Variants in SRRM3 observed in about 807,000 individuals in gnomAD.
SRRM3 encodes serine/arginine repetitive matrix protein 3.
Under a neutral mutation model 66.2 loss-of-function variants are expected in SRRM3, and 27 were observed. The observed-to-expected ratio is 0.41, with a 90% CI of 0.30 to 0.56. The LOEUF is 0.56. Among genes scored for constraint, SRRM3 ranks in the 20% least tolerant of loss-of-function variants. The pLI is 0.32. For synonymous variants in SRRM3, 391 were observed against 414.9 expected, an observed-to-expected ratio of 0.94 and a Z score of 0.70; for missense variants, 918 against 991.9, an observed-to-expected ratio of 0.93 and a Z score of 1.00.
intron 1 of SRRM3, among the ~76,000 whole-genome samples, chr7:76,232,953 G>C (rs1231489049): frequency 1.3e-5 from 2 of 151,944 alleles, no homozygotes; most frequent in East Asian, 3.9e-4. Flanking sequence ...GGAGGAGCTT[G>C]GGTCCACGTG....
chr7:76,249,396 G>GT (rs1801518561), intron 3 of SRRM3, among the ~76,000 whole-genome samples: 2 of 151,462 alleles, frequency 1.3e-5, no homozygotes, highest in South Asian at 4.2e-4. Flanking sequence ...AAAAAAAAGG[G>GT]TGTATGGCTT....
rs569400202 is a variant in SRRM3, at chr7:76,256,994, G to A, written c.336-2912G>A. ...CAAAGTGCTGGGATTACAGGCGTGA[G>A]CCACCCGCCAGGCCCTTGGCTGGCT... On this transcript the variant is annotated intron_variant, in intron 3 of 14. Transcript: ENST00000611745. Among the ~76,000 whole-genome samples, 10 of 152,290 alleles carry A rather than the reference G, an allele frequency of 6.6e-5. No individual in the cohort carries two copies. In the East Asian group the frequency reaches 1.7e-3, roughly 26 times the overall value.
intron 1 of SRRM3, among the ~76,000 whole-genome samples, chr7:76,228,803 C>T (rs1554603988): frequency 2.0e-5 from 3 of 152,020 alleles, no homozygotes; most frequent in African/African-American, 7.2e-5. Context: ...TTGAAAATGG[C>T]TATTTCTAGA....
intron 11 of SRRM3, among the ~76,000 whole-genome samples, chr7:76,276,467 T>C (rs1802350442): frequency 6.6e-6 from 1 of 152,124 alleles, no homozygotes; most frequent in Non-Finnish European, 1.5e-5. Flanking sequence ...AACCAGGTTC[T>C]ATGGGATCAT....
chr7:76,240,756 C>T (rs1801274476), intron 2 of SRRM3, among the ~76,000 whole-genome samples: 2 of 152,182 alleles, frequency 1.3e-5, no homozygotes, highest in Admixed American at 6.6e-5. Flanking sequence ...TCCCTTATGG[C>T]CCATAGAGTG....
At chr7:76,211,908 C>T (rs1198925172) in intron 1 of SRRM3, among the ~76,000 whole-genome samples, 7 of 148,382 alleles carry the variant, frequency 4.7e-5, no homozygotes, top group Non-Finnish European at 7.4e-5. Flanking sequence ...GGCGCAATCA[C>T]GGCTCACTGC....
rs781997418 is a variant in SRRM3 at position 76,285,690 on chromosome 7, G to C, written c.1809G>C (p.Ser603=). The change falls in exon 15 of 15, where the codon TCG becomes TCC. Residue 603 remains serine, a synonymous_variant. Transcript: ENST00000611745. This position sits in a 1 kb window ranked among gnomAD's most constrained non-coding sequence, Gnocchi z 4.1. ...SSSSCLSSDY[S]TRSHSRSPSP... ...CCAGCTGCTTGAGCAGCGACTACTC[G>C]ACCCGGAGCCACAGCCGCAGCCCCA... The C allele has an allele frequency of 3.2e-6, 5 of 1,550,850 alleles. No individual in the cohort carries two copies. The highest frequency in any genetic ancestry group is 1.2e-5 in the South Asian group (1 of 84,042).
chr7:76,222,410 CAAAAAAA>C (rs572163883), intron 1 of SRRM3, among the ~76,000 whole-genome samples: 5 of 84,400 alleles, frequency 5.9e-5, no homozygotes, highest in East Asian at 3.6e-4. Flanking sequence ...GACCCCGTCT[CAAAAAAA>C]AAAAAAAAAA....
At chr7:76,263,409 C>G (rs1801929340) in intron 8 of SRRM3, among the ~76,000 whole-genome samples, 1 of 152,114 alleles carries the variant, frequency 6.6e-6, no homozygotes, top group Non-Finnish European at 1.5e-5. Context: ...TTGGGTGAGA[C>G]CTTTGAGGGC....
In SRRM3 at chr7:76,285,687, C is replaced by T. The variant is rs1802647553; in HGVS notation, c.1806C>T (p.Tyr602=). The stretch of plus-strand genomic sequence containing the variant: ...CCTCCAGCTGCTTGAGCAGCGACTA[C>T]TCGACCCGGAGCCACAGCCGCAGCC... ...SSSSSCLSSD[Y]STRSHSRSPS... Residue 602 remains tyrosine, a synonymous_variant, in exon 15 of 15, where the codon TAC becomes TAT. Coordinates refer to ENST00000611745, the MANE Select transcript of SRRM3 (RefSeq NM_001110199.3). The surrounding 1 kb of genome is among the most constrained non-coding windows in gnomAD (Gnocchi z 4.1). 3 of 1,551,150 alleles carry T rather than the reference C, an allele frequency of 1.9e-6. No homozygotes were observed. In the East Asian group the frequency reaches 7.3e-5, roughly 38 times the overall value.
intron 2 of SRRM3, among the ~76,000 whole-genome samples, chr7:76,242,834 G>C (rs1333342657): frequency 6.6e-6 from 1 of 152,168 alleles, no homozygotes; most frequent in Non-Finnish European, 1.5e-5. Context: ...ATAGGAGGTG[G>C]AGCTCAGGTG....
intron 1 of SRRM3, among the ~76,000 whole-genome samples, chr7:76,226,198 T>G (rs1268306548): frequency 6.6e-6 from 1 of 152,210 alleles, no homozygotes; most frequent in African/African-American, 2.4e-5. Flanking sequence ...CTTCAATTAA[T>G]CACTTGCAGG....
At chr7:76,264,561 T>A (rs1482438707) in intron 8 of SRRM3, among the ~76,000 whole-genome samples, 1 of 152,180 alleles carries the variant, frequency 6.6e-6, no homozygotes, top group African/African-American at 2.4e-5. Flanking sequence ...GGGCCAGGAC[T>A]TCCAGGAGGA....
At chr7:76,237,261 G>C (rs558517849) in intron 2 of SRRM3, among the ~76,000 whole-genome samples, 2 of 152,258 alleles carry the variant, frequency 1.3e-5, no homozygotes, top group Admixed American at 1.3e-4. Flanking sequence ...CAAAAAATTA[G>C]CCGGGCATGG....
rs535752621 is a variant in SRRM3 at position 76,286,192 on chromosome 7, A to G, written c.*349A>G. 18 of 363,204 alleles carry G rather than the reference A, an allele frequency of 5.0e-5. No individual in the cohort carries two copies. The highest frequency in any genetic ancestry group is 3.6e-4 in the African/African-American group (17 of 47,778). The allele number at this position is 363,204 out of a possible 1,614,324, so 22.5% of individuals were successfully genotyped here. A position where few individuals can be genotyped will look rare whatever the true frequency, so the allele number is the denominator to read the frequency against. On this transcript the variant is annotated 3_prime_UTR_variant, in exon 15 of 15. Transcript: ENST00000611745. ...CTGCCGGTGGATGGTACCAGAGTCC[A>G]TGATCTGCTCTGTCACTTCACCTTA... is the stretch of plus-strand genomic sequence containing the variant.
intron 3 of SRRM3, among the ~76,000 whole-genome samples, chr7:76,258,576 T>A (rs184403542): frequency 2.4e-4 from 36 of 151,220 alleles, no homozygotes; most frequent in Non-Finnish European, 4.1e-4. Flanking sequence ...TAGCTGGGCG[T>A]GGTGGTGCAT....
intron 11 of SRRM3, among the ~76,000 whole-genome samples, chr7:76,271,970 A>G (rs1004031289): frequency 6.6e-6 from 1 of 152,186 alleles, no homozygotes; most frequent in Non-Finnish European, 1.5e-5. Context: ...CACAGTTCAT[A>G]CATGTGGGGA....
chr7:76,215,539 C>T (rs915005397), intron 1 of SRRM3, among the ~76,000 whole-genome samples: 13 of 150,766 alleles, frequency 8.6e-5, no homozygotes, highest in Non-Finnish European at 1.5e-4. Context: ...GTAGCTGGGA[C>T]TACAGGCGTG....
chr7:76,284,197 G>A (rs1224977694), intron 14 of SRRM3, among the ~76,000 whole-genome samples: 8 of 147,976 alleles, frequency 5.4e-5, no homozygotes, highest in African/African-American at 7.5e-5. Context: ...TTTTTAAGAC[G>A]GAGCTTTGCT....
Sources: gnomAD v4.1 joint callset for allele counts (sites outside exome capture counted in the v4.1 genomes callset) on GRCh38, gnomAD v4.1.1 for gene constraint, Gnocchi (gnomAD v3.1) non-coding constraint, MANE v1.5 for transcripts, NCBI Gene and HGNC (gene_info 2026-07-23, HGNC 2026-07-21) for gene names.